Variants in YME1L1 observed in about 807,000 individuals in gnomAD.
YME1L1 encodes the protein YME1 like 1 ATPase, also known as ATP-dependent zinc metalloprotease YME1L1.
A neutral mutation model predicts 90.4 loss-of-function variants in YME1L1; 39 were observed. That is an observed-to-expected ratio of 0.43 (90% CI 0.33 to 0.56). The LOEUF is 0.56. YME1L1 is among the 20% of genes least tolerant of loss of function. The probability of loss-of-function intolerance (pLI) is 0.03; values close to 1 mark genes in which losing one functional copy is unlikely to be tolerated. For synonymous variants in YME1L1, 284 were observed against 287.3 expected, an observed-to-expected ratio of 0.99 and a Z score of 0.12; for missense variants, 617 against 868.4, an observed-to-expected ratio of 0.71 and a Z score of 3.64.
intron 2 of YME1L1, 93 bp downstream of exon 2, chr10:27,148,813 A>G: frequency 1.3e-6 from 2 of 1,521,320 alleles, no homozygotes; most frequent in East Asian, 2.3e-5. Context: ...ATTTTTGACT[A>G]CGGGGGAGGG....
chr10:27,130,380 A>G (rs1411777159), intron 8 of YME1L1, among the ~76,000 whole-genome samples: 1 of 152,170 alleles, frequency 6.6e-6, no homozygotes, highest in Non-Finnish European at 1.5e-5. Flanking sequence ...TCATCCAAAC[A>G]TGTGGACTTA....
At chr10:27,128,006 T>TTAATA (rs1296546475) in intron 8 of YME1L1, among the ~76,000 whole-genome samples, 1 of 152,176 alleles carries the variant, frequency 6.6e-6, no homozygotes, top group Non-Finnish European at 1.5e-5. Flanking sequence ...TAAACATAAT[T>TTAATA]TAATACTCAA....
chr10:27,133,195 A>G (rs1328799564), intron 7 of YME1L1, among the ~76,000 whole-genome samples: 1 of 152,256 alleles, frequency 6.6e-6, no homozygotes, highest in Non-Finnish European at 1.5e-5. Context: ...AACTGTTATT[A>G]CTTGCCCTCA....
intron 18 of YME1L1, among the ~76,000 whole-genome samples, chr10:27,113,360 C>A (rs1381045167): frequency 6.7e-6 from 1 of 149,566 alleles, no homozygotes; most frequent in African/African-American, 2.4e-5. Context: ...TAAGATGCCT[C>A]AAATTCAACA....
rs201410460 is a variant in YME1L1, at chr10:27,134,006, G to C, written c.775+33C>G. On this transcript the variant is annotated intron_variant, in intron 7 of 18. Transcript: ENST00000376016. Reference sequence around the variant, plus strand: ...AGGAATCATGTATTTAAAGGAATAAGAAATAAGTTAGACAAATAAAAAAAG... The same window carrying C: ...AGGAATCATGTATTTAAAGGAATAACAAATAAGTTAGACAAATAAAAAAAG... 496 of 1,440,804 alleles carry C rather than the reference G, an allele frequency of 3.4e-4. No individual in the cohort carries two copies. In the African/African-American group the frequency reaches 6.4e-3, roughly 19 times the overall value. The allele number at this position is 1,440,804 out of a possible 1,614,324, so 89.3% of individuals were successfully genotyped here. A position where few individuals can be genotyped will look rare whatever the true frequency, so the allele number is the denominator to read the frequency against.
At chr10:27,122,433 A>C (rs1207745208) in intron 11 of YME1L1, among the ~76,000 whole-genome samples, 1 of 152,222 alleles carries the variant, frequency 6.6e-6, no homozygotes, top group South Asian at 2.1e-4. Context: ...CTTGCTTCTT[A>C]TATTATGAAC....
chr10:27,149,643 G>A (rs2057186742), intron 1 of YME1L1, among the ~76,000 whole-genome samples: 2 of 146,096 alleles, frequency 1.4e-5, no homozygotes, highest in African/African-American at 5.0e-5. Flanking sequence ...CTCAGGAGGC[G>A]GAAGTTGCAG....
intron 17 of YME1L1, 102 bp downstream of exon 17, chr10:27,115,958 G>A (rs1265927874): frequency 2.9e-6 from 3 of 1,032,392 alleles, no homozygotes; most frequent in Non-Finnish European, 4.4e-6. Context: ...CATTTGGAGT[G>A]AGAGAAAAAG....
chr10:27,139,419 G>A (rs923768254), intron 4 of YME1L1, among the ~76,000 whole-genome samples: 3 of 152,066 alleles, frequency 2.0e-5, no homozygotes, highest in South Asian at 4.1e-4. Context: ...GGCTTCAAGC[G>A]ATCATCCCAA....
At chr10:27,124,276 G>GA (rs1200847831) in intron 9 of YME1L1, among the ~76,000 whole-genome samples, 1 of 152,066 alleles carries the variant, frequency 6.6e-6, no homozygotes, top group Admixed American at 6.6e-5. Context: ...TGTTCAGGGG[G>GA]AAAAATACAC....
At chr10:27,125,475 A>AC (rs1554804635) in intron 9 of YME1L1, among the ~76,000 whole-genome samples, 1 of 151,254 alleles carries the variant, frequency 6.6e-6, no homozygotes, top group Non-Finnish European at 1.5e-5. Flanking sequence ...AAAAAAAAAA[A>AC]AACAATAAAA....
chr10:27,154,370 A>G lies in YME1L1; in HGVS notation c.-160T>C. On this transcript the variant is annotated 5_prime_UTR_variant, in exon 1 of 19. Transcript: ENST00000376016. ...AAAATGGCCTCCCCTTCCTACAGCT[A>G]CTGCAACGACAGACAATCCGCCCCG... is the stretch of plus-strand genomic sequence containing the variant. 1 of 799,952 alleles carries G rather than the reference A, an allele frequency of 1.3e-6. No homozygotes were observed. The highest frequency in any genetic ancestry group is 2.0e-6 in the Non-Finnish European group (1 of 509,066). The allele number at this position is 799,952 out of a possible 1,614,324, so 49.6% of individuals were successfully genotyped here. A position where few individuals can be genotyped will look rare whatever the true frequency, so the allele number is the denominator to read the frequency against.
intron 8 of YME1L1, among the ~76,000 whole-genome samples, chr10:27,128,330 T>C (rs1367369583): frequency 6.6e-6 from 1 of 152,214 alleles, no homozygotes; most frequent in Non-Finnish European, 1.5e-5. Flanking sequence ...ACAGCAATTA[T>C]AAAATTGATT....
intron 2 of YME1L1, chr10:27,146,241 C>T (rs2057142500): frequency 6.6e-6 from 1 of 152,222 alleles, no homozygotes; most frequent in Non-Finnish European, 1.5e-5. Context: ...TACCATAGGA[C>T]ATCTCACTCC....
At chr10:27,121,586 A>G in intron 11 of YME1L1, 138 bp from the exon 12 acceptor site, 1 of 622,284 alleles carries the variant, frequency 1.6e-6, no homozygotes, top group Non-Finnish European at 2.9e-6. Flanking sequence ...GCGCACCAGT[A>G]TGATCATAGC....
intron 4 of YME1L1, among the ~76,000 whole-genome samples, chr10:27,141,251 C>G (rs1331175035): frequency 6.6e-6 from 1 of 152,092 alleles, no homozygotes; most frequent in East Asian, 1.9e-4. Context: ...CAAAAATTAG[C>G]TGGGCCTGGT....
chr10:27,127,872 CTT>C (rs2056937182), intron 8 of YME1L1, among the ~76,000 whole-genome samples: 1 of 152,010 alleles, frequency 6.6e-6, no homozygotes, highest in Admixed American at 6.6e-5. Context: ...TAAAAAAAGA[CTT>C]GGCTGGTTTA....
chr10:27,128,165 G>A (rs1056669281), intron 8 of YME1L1, among the ~76,000 whole-genome samples: 1 of 152,100 alleles, frequency 6.6e-6, no homozygotes, highest in Non-Finnish European at 1.5e-5. Context: ...ATATATATAA[G>A]TGTGCCCATA....
At chr10:27,116,171 C>G in intron 16 of YME1L1, 38 bp from the exon 17 acceptor site, 1 of 1,613,702 alleles carries the variant, frequency 6.2e-7, no homozygotes, top group Non-Finnish European at 8.5e-7. Context: ...TAAAACATAT[C>G]TTTAAGACCA....
Sources: allele counts gnomAD v4.1 joint callset (sites outside exome capture counted in the v4.1 genomes callset), GRCh38; gene constraint gnomAD v4.1.1; transcripts MANE v1.5; gene names NCBI Gene and HGNC (gene_info 2026-07-23, HGNC 2026-07-21).